GPHA2: variants seen among roughly 807,000 people sequenced by gnomAD.
GPHA2 encodes glycoprotein hormone subunit alpha 2.
GPHA2 carries 12 observed loss-of-function variants against 15.3 expected under a neutral mutation model. The ratio of observed to expected loss-of-function variants is 0.78; its 90% CI spans 0.50 to 1.27. The LOEUF is 1.27. Among genes scored for constraint, GPHA2 ranks in the 50% most tolerant of loss-of-function variants. GPHA2 has a pLI of 0.00. For missense variants in GPHA2, 156 were observed against 169.5 expected (o/e 0.92, Z 0.44); for synonymous variants, 61 against 66.8 (o/e 0.91, Z 0.42).
upstream of GPHA2, among the ~76,000 whole-genome samples, chr11:64,936,346 C>T (rs1048507620): frequency 2.6e-5 from 4 of 152,222 alleles, no homozygotes; most frequent in East Asian, 3.9e-4. Context: ...GGTGTTATCT[C>T]GGCTCACTGC....
At chr11:64,936,787 C>T (rs1427963519), upstream of GPHA2, among the ~76,000 whole-genome samples, 2 of 152,170 alleles carry the variant, frequency 1.3e-5, no homozygotes, top group Middle Eastern at 3.4e-3. Context: ...GTGGATGATT[C>T]GCATCCTGTG....
Position 64,934,535 on chromosome 11 carries a change from G to A in GPHA2, c.*238C>T. On this transcript the variant is annotated 3_prime_UTR_variant, in exon 4 of 4. Coordinates refer to ENST00000279168, the MANE Select transcript of GPHA2 (RefSeq NM_130769.4). ...AGGGAAGTAAAATGATGAAAGATTGGTTTAGAAGGGCCAGGCAGAGGCAGG... is the reference window on the plus strand; with the variant it reads ...AGGGAAGTAAAATGATGAAAGATTGATTTAGAAGGGCCAGGCAGAGGCAGG... 1.7e-6 allele frequency: 1 copy of A among 590,594 alleles called. No individual in the cohort carries two copies. The highest frequency in any genetic ancestry group is 3.0e-6 in the Non-Finnish European group (1 of 331,468). 36.6% of individuals were successfully genotyped at this position (590,594 alleles called of 1,614,324 possible).
In GPHA2 at chr11:64,935,233, G is replaced by C; in HGVS notation, c.104-58C>G. ...CTCTGCCAAGGTTTGCCTCGCCCCA[G>C]CTCCCGTTGCCTGTGCCTCAGTGTG... is the stretch of plus-strand genomic sequence containing the variant. On this transcript the variant is annotated intron_variant, in intron 2 of 3. Transcript: ENST00000279168. 21 of 1,542,468 alleles carry C rather than the reference G, an allele frequency of 1.4e-5. No individual in the cohort carries two copies. In the Middle Eastern group the frequency reaches 5.5e-4, roughly 41 times the overall value.
Position 64,934,981 on chromosome 11 carries a change from CCCT to C in GPHA2, c.288+7_288+9del, listed in dbSNP as rs1335620329. 1.2e-6 allele frequency: 2 copies of C among 1,614,002 alleles called. No homozygotes were observed. The highest frequency in any genetic ancestry group is 1.6e-4 in the Middle Eastern group (1 of 6,062). ...CCAGCGTCCATCCACCGGGCCCGGG[CCCT>C]CCTCACCTTCTTCAGGCCACTGATG... On this transcript the variant is annotated splice_region_variant and intron_variant, in intron 3 of 3. Coordinates refer to ENST00000279168, the MANE Select transcript of GPHA2 (RefSeq NM_130769.4).
chr11:64,936,262 AC>A (rs907097339), upstream of GPHA2, among the ~76,000 whole-genome samples: 3 of 151,632 alleles, frequency 2.0e-5, no homozygotes, highest in African/African-American at 7.3e-5. Flanking sequence ...GGGCCTGATC[AC>A]CCCTAACTTT....
At position 64,935,524 on chromosome 11, in the gene GPHA2, A is replaced by C. The variant is rs1945284670; in HGVS notation, c.1-64T>G. On this transcript the variant is annotated intron_variant, in intron 1 of 3. Transcript: ENST00000279168. The stretch of plus-strand genomic sequence containing the variant: ...AGGTGGGATGGCGAGTTCTTTAAAT[A>C]CTGCATTCCAGGTGAGTGAGCCAGG... 15 of 1,126,952 alleles carry C rather than the reference A, an allele frequency of 1.3e-5. 1 individual carries two copies. The South Asian group carries it at 2.1e-4, about 16-fold the overall frequency. The allele number at this position is 1,126,952 out of a possible 1,614,324, so 69.8% of individuals were successfully genotyped here. A position where few individuals can be genotyped will look rare whatever the true frequency, so the allele number is the denominator to read the frequency against.
chr11:64,934,808 A>G lies in GPHA2; in HGVS notation c.355T>C (p.Cys119Arg). Residue 119 changes from cysteine (C) to arginine (R), a missense_variant, in exon 4 of 4, where the codon TGC becomes CGC. Physicochemically the swap from Cys to Arg is radical, Grantham distance 180. Transcript: ENST00000279168. ...EELEIFTARA[C>R]QCDMCRLSRY is the part of the protein sequence containing the mutation. ...GAGAGGCGACACATGTCACACTGGCAGGCCCTGGCCGTGAAGATCTCGAGC... is the reference window on the plus strand; with the variant it reads ...GAGAGGCGACACATGTCACACTGGCGGGCCCTGGCCGTGAAGATCTCGAGC... 4 of 1,614,110 alleles carry G rather than the reference A, an allele frequency of 2.5e-6. No individual in the cohort carries two copies. The highest frequency in any genetic ancestry group is 3.4e-6 in the Non-Finnish European group (4 of 1,180,000).
chr11:64,935,611 TTGTGTGTGTG>T, intron 1 of GPHA2, 151 bp from the exon 2 acceptor site: 2 of 561,272 alleles, frequency 3.6e-6, no homozygotes, highest in Non-Finnish European at 3.2e-6. Context: ...GTATCTGCCT[TTGTGTGTGTG>T]TGTGTGTGTG....
upstream of GPHA2, among the ~76,000 whole-genome samples, chr11:64,936,433 C>T (rs1465465702): frequency 1.3e-5 from 2 of 152,074 alleles, no homozygotes; most frequent in Non-Finnish European, 2.9e-5. Context: ...CACAGGCACA[C>T]CACTATGACC....
In GPHA2 at chr11:64,934,673, G is replaced by A. The variant is rs2136694432; in HGVS notation, c.*100C>T. The A allele has an allele frequency of 1.1e-6, 1 of 936,416 alleles. No individual in the cohort carries two copies. The highest frequency in any genetic ancestry group is 1.8e-6 in the Non-Finnish European group (1 of 565,146). The allele number at this position is 936,416 out of a possible 1,614,324, so 58.0% of individuals were successfully genotyped here. On this transcript the variant is annotated 3_prime_UTR_variant, in exon 4 of 4. Transcript: ENST00000279168. ...AAAATTCCATAGCAAGTAACCATCA[G>A]GGCTGGAGCTCCTTCCAGTTTTTGA... is the stretch of plus-strand genomic sequence containing the variant.
rs201929788 is a variant in GPHA2 at position 64,934,875 on chromosome 11, C to T, written c.289-1G>A. The T allele has an allele frequency of 1.4e-4, 222 of 1,613,960 alleles. 2 individuals are homozygous for T. The highest frequency in any genetic ancestry group is 2.0e-5 in the Non-Finnish European group (24 of 1,179,904). On this transcript the variant is annotated splice_acceptor_variant, in intron 3 of 3. Coordinates refer to ENST00000279168, the MANE Select transcript of GPHA2 (RefSeq NM_130769.4). LOFTEE classifies it high-confidence loss of function. Reference sequence around the variant, plus strand: ...CCACACACTGCAGCTGTACTTTGACCTGCGGGAGAGGGGAGTCCGTGCTGC... The same window carrying T: ...CCACACACTGCAGCTGTACTTTGACTTGCGGGAGAGGGGAGTCCGTGCTGC...
At chr11:64,937,332 C>T (rs915758652), upstream of GPHA2, among the ~76,000 whole-genome samples, 4 of 152,248 alleles carry the variant, frequency 2.6e-5, no homozygotes, top group Non-Finnish European at 5.9e-5. Context: ...AGGGCGGGCA[C>T]TCACAGCTCC....
rs908819944 is a variant in GPHA2 at position 64,935,815 on chromosome 11, C to T, written c.-1+19G>A. The T allele has an allele frequency of 5.5e-6, 1 of 181,680 alleles. No individual in the cohort carries two copies. The highest frequency in any genetic ancestry group is 1.1e-5 in the Non-Finnish European group (1 of 87,308). 11.3% of individuals were successfully genotyped at this position (181,680 alleles called of 1,614,324 possible). A position where few individuals can be genotyped will look rare whatever the true frequency, so the allele number is the denominator to read the frequency against. On this transcript the variant is annotated intron_variant, in intron 1 of 3. Transcript: ENST00000279168. ...TTCCCAGACCCTCCCCAGAGCTCCTCCTGCCTCAGCGAGCTCACCACTTCC... is the reference window on the plus strand; with the variant it reads ...TTCCCAGACCCTCCCCAGAGCTCCTTCTGCCTCAGCGAGCTCACCACTTCC...
At chr11:64,937,020 A>T (rs534448458), upstream of GPHA2, among the ~76,000 whole-genome samples, 1 of 152,314 alleles carries the variant, frequency 6.6e-6, no homozygotes, top group Admixed American at 6.5e-5. Flanking sequence ...CTGTCCATCC[A>T]TGGTGCTAAA....
In GPHA2 at chr11:64,934,818, C is replaced by T. The variant is rs1368008468; in HGVS notation, c.345G>A (p.Thr115=). Residue 115 remains threonine, a synonymous_variant, in exon 4 of 4, where the codon ACG becomes ACA. Transcript: ENST00000279168. ...ACATGTCACACTGGCAGGCCCTGGCCGTGAAGATCTCGAGCTCCTCCCTCC... is the reference window on the plus strand; with the variant it reads ...ACATGTCACACTGGCAGGCCCTGGCTGTGAAGATCTCGAGCTCCTCCCTCC... ...GSRREELEIF[T]ARACQCDMCR... is the part of the protein sequence containing the mutation. 8.7e-6 allele frequency: 14 copies of T among 1,613,912 alleles called. No homozygotes were observed. The highest frequency in any genetic ancestry group is 6.7e-5 in the African/African-American group (5 of 74,848).
chr11:64,934,488 T>G lies in GPHA2; in HGVS notation c.*285A>C. On this transcript the variant is annotated 3_prime_UTR_variant, in exon 4 of 4. Coordinates refer to ENST00000279168, the MANE Select transcript of GPHA2 (RefSeq NM_130769.4). The stretch of plus-strand genomic sequence containing the variant: ...GAGAGAAATTCAAGAACTGCTTGCT[T>G]TATTTAGGGGTAAGGGCAAAGAGGG... 3.9e-6 allele frequency: 2 copies of G among 510,944 alleles called. No homozygotes were observed. Among genetic ancestry groups the G allele is most frequent in the East Asian group, 3.5e-5 (1 of 28,400 alleles). The allele number at this position is 510,944 out of a possible 1,614,324, so 31.7% of individuals were successfully genotyped here. A position where few individuals can be genotyped will look rare whatever the true frequency, so the allele number is the denominator to read the frequency against.
chr11:64,936,116 T>C, upstream of GPHA2, among the ~76,000 whole-genome samples: 1 of 152,046 alleles, frequency 6.6e-6, no homozygotes, highest in East Asian at 1.9e-4. Flanking sequence ...AAGTCAGATG[T>C]GGAGAGAAGC....
upstream of GPHA2, chr11:64,935,905 G>C (rs1378079706): frequency 6.5e-6 from 1 of 154,488 alleles, no homozygotes; most frequent in Non-Finnish European, 1.4e-5. Context: ...GCTTGGTGCT[G>C]GCTCTCCAGG....
At chr11:64,936,056 G>A (rs1945291091), upstream of GPHA2, among the ~76,000 whole-genome samples, 1 of 152,200 alleles carries the variant, frequency 6.6e-6, no homozygotes, top group African/African-American at 2.4e-5. Flanking sequence ...AGCTCCTGCT[G>A]CTTTCTGCTT....
Sources: gnomAD v4.1 joint callset for allele counts (sites outside exome capture counted in the v4.1 genomes callset) on GRCh38, gnomAD v4.1.1 for gene constraint, MANE v1.5 for transcripts, NCBI Gene and HGNC (gene_info 2026-07-23, HGNC 2026-07-21) for gene names.